Variants in DCC observed in about 807,000 individuals in gnomAD.
DCC encodes DCC netrin 1 receptor, also known as netrin receptor DCC.
Under a neutral mutation model 172.5 loss-of-function variants are expected in DCC, and 58 were observed. The observed-to-expected ratio is 0.34, with a 90% confidence interval of 0.27 to 0.42. The LOEUF (loss-of-function observed/expected upper bound fraction) is 0.42. Among genes scored for constraint, DCC ranks in the 10% least tolerant of loss-of-function variants. The pLI, the probability that DCC is intolerant of heterozygous loss-of-function variation, is 1.00. For missense variants in DCC, 1,740 were observed against 1,791.0 expected (o/e 0.97, Z 0.51); for synonymous variants, 709 against 644.5 (o/e 1.10, Z -1.52).
At chr18:52,482,083 G>T (rs137863972) in intron 1 of DCC, among the ~76,000 whole-genome samples, 2 of 151,716 alleles carry the variant, frequency 1.3e-5, no homozygotes, top group South Asian at 2.1e-4. Context: ...CTTTTGCCCC[G>T]CCATATCCAC....
At chr18:53,033,277 A>C (rs1056423290) in intron 5 of DCC, among the ~76,000 whole-genome samples, 1 of 152,136 alleles carries the variant, frequency 6.6e-6, no homozygotes, top group African/African-American at 2.4e-5. Context: ...AGACAACCCA[A>C]GACCTTGCTG....
chr18:53,070,786 C>T (rs1568284354), intron 7 of DCC, among the ~76,000 whole-genome samples: 1 of 152,094 alleles, frequency 6.6e-6, no homozygotes, highest in Non-Finnish European at 1.5e-5. Flanking sequence ...GACAGGACAC[C>T]ATTGTGACTG....
rs200772602 is a variant in DCC, at chr18:53,179,068, G to T, written c.1525G>T (p.Gly509Ter). The change falls in exon 9 of 29, where the codon GGA becomes TGA. Residue 509 changes from glycine (G) to a stop codon, truncating the protein, a stop_gained. Transcript: ENST00000442544. LOFTEE classifies it high-confidence loss of function. ...TFRVVAYNEW[G>*]PGESSQPIKV... ...TCGAGTTGTGGCTTACAATGAATGG[G>T]GACCGGGAGAGAGTTCTCAACCCAT... 6.2e-7 allele frequency: 1 copy of T among 1,614,000 alleles called. No individual in the cohort carries two copies. Among genetic ancestry groups the T allele is most frequent in the East Asian group, 2.2e-5 (1 of 44,870 alleles).
intron 5 of DCC, among the ~76,000 whole-genome samples, chr18:52,950,909 G>T (rs948711657): frequency 9.1e-6 from 1 of 109,710 alleles, no homozygotes; most frequent in Non-Finnish European, 1.7e-5. Flanking sequence ...TAGCCTGGGC[G>T]ACAGAGTGAG....
At chr18:52,530,689 G>C (rs577921972) in intron 1 of DCC, among the ~76,000 whole-genome samples, 2 of 152,172 alleles carry the variant, frequency 1.3e-5, no homozygotes, top group Non-Finnish European at 2.9e-5. Flanking sequence ...AACTGAAGAA[G>C]ATATGTCTTC....
At chr18:52,532,362 G>T (rs1144068) in intron 1 of DCC, among the ~76,000 whole-genome samples, 147,560 of 152,248 alleles carry the variant, frequency 0.97, 71,693 homozygotes, top group Middle Eastern at 1. Flanking sequence ...GCAAGCTGGA[G>T]AGATCACATT....
intron 7 of DCC, among the ~76,000 whole-genome samples, chr18:53,076,249 G>T (rs79547692): frequency 6.6e-6 from 1 of 152,126 alleles, no homozygotes; most frequent in Non-Finnish European, 1.5e-5. Context: ...GAGTCTACAA[G>T]CCTAGAGTCA....
At chr18:53,081,674 G>A (rs1388375734) in intron 7 of DCC, among the ~76,000 whole-genome samples, 1 of 151,972 alleles carries the variant, frequency 6.6e-6, no homozygotes, top group East Asian at 1.9e-4. Flanking sequence ...CAAGTTTGAA[G>A]ATGAATCCAG....
In DCC at chr18:53,063,948, G is replaced by A. The variant is rs937236134; in HGVS notation, c.1140+489G>A. 9.2e-5 allele frequency among the ~76,000 whole-genome samples: 14 copies of A among 152,182 alleles called. 1 individual carries two copies. In the South Asian group the frequency reaches 2.7e-3, roughly 29 times the overall value. On this transcript the variant is annotated intron_variant, in intron 6 of 28. Coordinates refer to ENST00000442544, the MANE Select transcript of DCC (RefSeq NM_005215.4). Reference sequence around the variant, plus strand: ...TGTAGGACCAGCTTATCCTACATGAGCCATTGAGAAAGGCAGTGGTGATGT... The same window carrying A: ...TGTAGGACCAGCTTATCCTACATGAACCATTGAGAAAGGCAGTGGTGATGT...
At chr18:52,424,772 A>T (rs1987366375) in intron 1 of DCC, among the ~76,000 whole-genome samples, 1 of 152,250 alleles carries the variant, frequency 6.6e-6, no homozygotes, top group African/African-American at 2.4e-5. Context: ...CCTGATACAG[A>T]TTATCTGCAT....
intron 5 of DCC, among the ~76,000 whole-genome samples, chr18:52,969,954 C>A (rs2041002795): frequency 6.6e-6 from 1 of 151,962 alleles, no homozygotes; most frequent in Non-Finnish European, 1.5e-5. Context: ...GCAATGTTGT[C>A]AGAGAAGAGA....
intron 1 of DCC, among the ~76,000 whole-genome samples, chr18:52,419,867 A>G (rs979191253): frequency 6.6e-5 from 10 of 152,320 alleles, no homozygotes; most frequent in African/African-American, 2.4e-4. Context: ...GAACATATAC[A>G]TACCATATCA....
At chr18:52,455,701 G>T (rs1413934433) in intron 1 of DCC, among the ~76,000 whole-genome samples, 1 of 152,136 alleles carries the variant, frequency 6.6e-6, no homozygotes, top group Admixed American at 6.6e-5. Context: ...AACTCTATGT[G>T]CCAGTGTTTC....
rs1033448856 is a variant in DCC at position 53,532,259 on chromosome 18, A to G, written c.*1606A>G. The G allele has an allele frequency of 1.3e-5, 2 of 152,208 alleles. No homozygotes were observed. The highest frequency in any genetic ancestry group is 4.8e-5 in the African/African-American group (2 of 41,468). 9.4% of individuals were successfully genotyped at this position (152,208 alleles called of 1,614,324 possible). A position where few individuals can be genotyped will look rare whatever the true frequency, so the allele number is the denominator to read the frequency against. Reference sequence around the variant, plus strand: ...TTTATTAGGTGGGTAATTATATATGAATCCCTGAATAAAATATTTTGAGCA... The same window carrying G: ...TTTATTAGGTGGGTAATTATATATGGATCCCTGAATAAAATATTTTGAGCA... On this transcript the variant is annotated 3_prime_UTR_variant, in exon 29 of 29. Coordinates refer to ENST00000442544, the MANE Select transcript of DCC (RefSeq NM_005215.4).
chr18:53,165,992 C>T (rs144740122), intron 8 of DCC, among the ~76,000 whole-genome samples: 159 of 152,188 alleles, frequency 1.0e-3, no homozygotes, highest in African/African-American at 3.2e-3. Flanking sequence ...CAGAGGTCAG[C>T]CAGGTGGGTG....
chr18:52,855,728 G>T (rs2039041934), intron 2 of DCC, among the ~76,000 whole-genome samples: 1 of 151,594 alleles, frequency 6.6e-6, no homozygotes, highest in African/African-American at 2.4e-5. Context: ...TCATAAGGAT[G>T]GTGACAGGTG....
intron 1 of DCC, among the ~76,000 whole-genome samples, chr18:52,359,982 T>G (rs575737951): frequency 6.6e-6 from 1 of 152,364 alleles, no homozygotes; most frequent in South Asian, 2.1e-4. Flanking sequence ...ATGTCCTTAA[T>G]TAAGTCTATG....
chr18:53,340,712 A>G (rs558426096), intron 15 of DCC, among the ~76,000 whole-genome samples: 1 of 152,338 alleles, frequency 6.6e-6, no homozygotes, highest in Admixed American at 6.5e-5. Flanking sequence ...AATATAATAT[A>G]TCAGGATGCC....
chr18:53,263,388 G>T (rs377452823), intron 12 of DCC, among the ~76,000 whole-genome samples: 39 of 152,290 alleles, frequency 2.6e-4, no homozygotes, highest in African/African-American at 8.4e-4. Context: ...CTGACCTCAA[G>T]TAATCCTCCT....
Sources: gnomAD v4.1 joint callset for allele counts (sites outside exome capture counted in the v4.1 genomes callset) on GRCh38, gnomAD v4.1.1 for gene constraint, MANE v1.5 for transcripts, NCBI Gene and HGNC (gene_info 2026-07-23, HGNC 2026-07-21) for gene names.